TMBIM6: variants seen among roughly 807,000 people sequenced by gnomAD.
The protein encoded by TMBIM6 is transmembrane BAX inhibitor motif containing 6, also known as bax inhibitor 1.
TMBIM6 carries 13 observed loss-of-function variants against 31.4 expected under a neutral mutation model. That is an observed-to-expected ratio of 0.41 (90% CI 0.27 to 0.66). TMBIM6 has a LOEUF of 0.66. Ranked by LOEUF, TMBIM6 falls within the 30% of genes least tolerant of loss-of-function variation. The pLI is 0.28. For synonymous variants in TMBIM6, 85 were observed against 101.7 expected (o/e 0.84, Z 0.99); for missense variants, 275 against 289.5 (o/e 0.95, Z 0.36).
intron 1 of TMBIM6, among the ~76,000 whole-genome samples, chr12:49,746,832 CT>C (rs1203145357): frequency 6.6e-6 from 1 of 152,032 alleles, no homozygotes; most frequent in Non-Finnish European, 1.5e-5. Context: ...CTTCCCCCTC[CT>C]TTTTTTGTTT....
At chr12:49,753,791 G>A (rs1212866424) in intron 3 of TMBIM6, among the ~76,000 whole-genome samples, 1 of 152,144 alleles carries the variant, frequency 6.6e-6, no homozygotes, top group African/African-American at 2.4e-5. Context: ...GGCTTTGATC[G>A]CTTGAGTTTT....
chr12:49,759,173 T>C (rs1565572616), intron 7 of TMBIM6, 48 bp from the exon 8 acceptor site: 9 of 1,526,168 alleles, frequency 5.9e-6, no homozygotes, highest in Admixed American at 1.7e-5. Flanking sequence ...GGTTTTTTTT[T>C]CTCTGCAACT....
intron 9 of TMBIM6, 158 bp downstream of exon 9, chr12:49,761,937 G>A: frequency 1.6e-6 from 1 of 632,056 alleles, no homozygotes. Context: ...GTCTTCAGTT[G>A]TTAGAAAAAA....
intron 1 of TMBIM6, among the ~76,000 whole-genome samples, chr12:49,748,085 G>A (rs1945429562): frequency 6.6e-6 from 1 of 152,046 alleles, no homozygotes; most frequent in African/African-American, 2.4e-5. Flanking sequence ...TGTATTTTTA[G>A]TAGAGACAGG....
intron 7 of TMBIM6, 71 bp from the exon 8 acceptor site, chr12:49,759,150 A>C: frequency 7.5e-7 from 1 of 1,326,318 alleles, no homozygotes; most frequent in Non-Finnish European, 1.1e-6. Context: ...ACTATGAGCC[A>C]GAAAGTATGG....
chr12:49,746,328 C>T (rs895718917), intron 1 of TMBIM6, among the ~76,000 whole-genome samples: 4 of 152,072 alleles, frequency 2.6e-5, no homozygotes, highest in African/African-American at 9.7e-5. Flanking sequence ...AAGTGATCCG[C>T]CTGCCTCAGC....
intron 8 of TMBIM6, among the ~76,000 whole-genome samples, chr12:49,759,710 G>C (rs1222888131): frequency 1.3e-5 from 2 of 151,780 alleles, no homozygotes; most frequent in African/African-American, 4.8e-5. Flanking sequence ...AGGAGGCTAA[G>C]GTATAAGAAT....
At chr12:49,741,690 G>A in intron 1 of TMBIM6, 79 bp downstream of exon 1, 1 of 204,848 alleles carries the variant, frequency 4.9e-6, no homozygotes. Flanking sequence ...GAGCAAGAGT[G>A]GCAGTAGCTT....
At chr12:49,746,644 G>C (rs1315774863) in intron 1 of TMBIM6, among the ~76,000 whole-genome samples, 1 of 152,166 alleles carries the variant, frequency 6.6e-6, no homozygotes, top group Non-Finnish European at 1.5e-5. Context: ...CCACTGCTAA[G>C]GAAATAACTA....
chr12:49,748,605 A>G (rs191688627), intron 1 of TMBIM6, among the ~76,000 whole-genome samples: 1 of 152,338 alleles, frequency 6.6e-6, no homozygotes, highest in African/African-American at 2.4e-5. Context: ...CTCTCCTGGG[A>G]TGAAGGCATA....
chr12:49,750,176 G>T (rs181639766), intron 1 of TMBIM6, among the ~76,000 whole-genome samples: 1 of 152,208 alleles, frequency 6.6e-6, no homozygotes, highest in East Asian at 1.9e-4. Context: ...CCTGGGAAAC[G>T]TCAGAGAAGT....
In TMBIM6 at chr12:49,742,042, G is replaced by A; in HGVS notation, c.-31+431G>A. 3 of 1,518,794 alleles carry A rather than the reference G, an allele frequency of 2.0e-6. No homozygotes were observed. The South Asian group carries it at 3.6e-5, about 18-fold the overall frequency. 94.1% of individuals were successfully genotyped at this position (1,518,794 alleles called of 1,614,324 possible). ...AAGGAACGCGAAACTCCACCCATCC[G>A]ATTGCTGTTCGGCTGCGGGCGGGTC... On this transcript the variant is annotated intron_variant, in intron 1 of 9. Transcript: ENST00000267115.
At chr12:49,752,898 A>G (rs1015431398) in intron 2 of TMBIM6, 75 bp from the exon 3 acceptor site, 3 of 1,348,466 alleles carry the variant, frequency 2.2e-6, no homozygotes, top group Admixed American at 2.1e-5. Flanking sequence ...GAAGGGAAAG[A>G]GAGAAATGAT....
chr12:49,760,257 ACT>A (rs1945690097), intron 8 of TMBIM6, among the ~76,000 whole-genome samples: 1 of 151,916 alleles, frequency 6.6e-6, no homozygotes, highest in South Asian at 2.1e-4. Flanking sequence ...TAGAAGATAC[ACT>A]CTTTTTTTAG....
At chr12:49,756,485 C>T (rs1398827741) in intron 4 of TMBIM6, among the ~76,000 whole-genome samples, 1 of 141,584 alleles carries the variant, frequency 7.1e-6, no homozygotes, top group Non-Finnish European at 1.5e-5. Context: ...CACCCTGTGG[C>T]CAGGCTGGAG....
intron 1 of TMBIM6, chr12:49,750,814 A>C (rs1041560351): frequency 6.6e-6 from 1 of 152,350 alleles, no homozygotes; most frequent in East Asian, 1.9e-4. Flanking sequence ...GATGATGTTT[A>C]TATCTTTCCA....
intron 1 of TMBIM6, among the ~76,000 whole-genome samples, chr12:49,748,412 C>T (rs1037929108): frequency 1.3e-5 from 2 of 152,214 alleles, no homozygotes; most frequent in Non-Finnish European, 2.9e-5. Flanking sequence ...ACAGGAATAT[C>T]TAACTCAAAC....
chr12:49,746,790 G>A (rs73306897), intron 1 of TMBIM6, among the ~76,000 whole-genome samples: 6,059 of 148,658 alleles, frequency 0.041, 245 homozygotes, highest in African/African-American at 0.1. Flanking sequence ...AGAAGAAGAA[G>A]AAAAAAAACT....
At position 49,764,719 on chromosome 12, in the gene TMBIM6, A is replaced by AAAAG. The variant is rs878997390; in HGVS notation, c.*1831_*1834dup. ...AAGAATGACAAGATATTAAAAAAAA[A>AAAAG]AAAGAAAGAAAAAAAAAAAAACACC... On this transcript the variant is annotated 3_prime_UTR_variant, in exon 10 of 10. Transcript: ENST00000267115. 1.4e-5 allele frequency: 2 copies of AAAAG among 141,238 alleles called. No individual in the cohort carries two copies. The highest frequency in any genetic ancestry group is 3.0e-5 in the Non-Finnish European group (2 of 67,146). 8.7% of individuals were successfully genotyped at this position (141,238 alleles called of 1,614,324 possible). A position where few individuals can be genotyped will look rare whatever the true frequency, so the allele number is the denominator to read the frequency against.
Sources: gnomAD v4.1 joint callset for allele counts (sites outside exome capture counted in the v4.1 genomes callset) on GRCh38, gnomAD v4.1.1 for gene constraint, MANE v1.5 for transcripts, NCBI Gene and HGNC (gene_info 2026-07-23, HGNC 2026-07-21) for gene names.